ERG: variants seen among roughly 807,000 people sequenced by gnomAD.
ERG encodes the protein transcriptional regulator ERG.
ERG carries 9 observed loss-of-function variants against 55.3 expected under a neutral mutation model. The ratio of observed to expected loss-of-function variants is 0.16; its 90% CI spans 0.10 to 0.28. ERG has a LOEUF of 0.28. Ranked by LOEUF, ERG falls within the 10% of genes least tolerant of loss-of-function variation. The pLI, the probability that ERG is intolerant of heterozygous loss-of-function variation, is 1.00. For synonymous variants in ERG, 223 were observed against 237.3 expected (o/e 0.94, Z 0.55); for missense variants, 434 against 631.6 (o/e 0.69, Z 3.35).
intron 1 of ERG, among the ~76,000 whole-genome samples, chr21:38,591,786 C>T (rs1254546512): frequency 1.3e-5 from 2 of 152,238 alleles, no homozygotes; most frequent in African/African-American, 4.8e-5. Flanking sequence ...TTGCTGGGCA[C>T]TTACTGTACT....
chr21:38,555,714 T>G (rs1446646197), intron 2 of ERG, among the ~76,000 whole-genome samples: 2 of 152,166 alleles, frequency 1.3e-5, no homozygotes, highest in African/African-American at 2.4e-5. Flanking sequence ...ATCAGTACAC[T>G]TCTAATAAAG....
chr21:38,602,182 C>T (rs571666819), intron 1 of ERG, among the ~76,000 whole-genome samples: 5 of 152,288 alleles, frequency 3.3e-5, no homozygotes, highest in Non-Finnish European at 4.4e-5. Flanking sequence ...TGGTGGCTCA[C>T]GCCTGTAATC....
At chr21:38,496,748 A>C (rs1466440462) in intron 1 of ERG, among the ~76,000 whole-genome samples, 2 of 152,234 alleles carry the variant, frequency 1.3e-5, no homozygotes, top group Admixed American at 6.5e-5. Flanking sequence ...ATAAATGTAT[A>C]CTTCAAATTA....
intron 2 of ERG, among the ~76,000 whole-genome samples, chr21:38,557,780 G>T (rs770754449): frequency 6.6e-6 from 1 of 151,940 alleles, no homozygotes; most frequent in Non-Finnish European, 1.5e-5. Context: ...GAATGTTCTG[G>T]GTATGACTTT....
intron 1 of ERG, among the ~76,000 whole-genome samples, chr21:38,466,804 G>T (rs2059095143): frequency 6.6e-6 from 1 of 152,172 alleles, no homozygotes; most frequent in Non-Finnish European, 1.5e-5. Flanking sequence ...GCCCCAAACT[G>T]TGAAGTCATG....
At chr21:38,597,500 C>CACACAG (rs1555871973) in intron 1 of ERG, among the ~76,000 whole-genome samples, 8 of 151,090 alleles carry the variant, frequency 5.3e-5, no homozygotes, top group Non-Finnish European at 1.0e-4. Context: ...CACACACACA[C>CACACAG]GCACACAGAG....
chr21:38,653,052 C>G (rs2836599), intron 1 of ERG, among the ~76,000 whole-genome samples: 2,064 of 152,280 alleles, frequency 0.014, 51 homozygotes, highest in African/African-American at 0.048. Flanking sequence ...GCACATTCGC[C>G]CACTTTCTAG....
At chr21:38,374,553 A>C in the ERG span, among the ~76,000 whole-genome samples, 1 of 152,208 alleles carries the variant, frequency 6.6e-6, no homozygotes, top group Admixed American at 6.5e-5. Context: ...CTAAAGGTAA[A>C]GGGACCAGGC....
chr21:38,429,744 T>TACACACAC (rs368936578), intron 2 of ERG, among the ~76,000 whole-genome samples: 14 of 107,526 alleles, frequency 1.3e-4, no homozygotes, highest in African/African-American at 4.1e-4. Flanking sequence ...TGTATATATA[T>TACACACAC]ATACACACAC....
chr21:38,431,386 G>GTTGTAT (rs1990202466), intron 2 of ERG, among the ~76,000 whole-genome samples: 5 of 152,260 alleles, frequency 3.3e-5, no homozygotes, highest in African/African-American at 1.2e-4. Context: ...TGCAACTCCA[G>GTTGTAT]AGTTCTATTT....
chr21:38,522,501 G>T (rs2059602211), intron 2 of ERG, among the ~76,000 whole-genome samples: 1 of 152,116 alleles, frequency 6.6e-6, no homozygotes, highest in Non-Finnish European at 1.5e-5. Context: ...ATTGTGTAAA[G>T]TTATAATCAA....
intron 2 of ERG, among the ~76,000 whole-genome samples, chr21:38,430,093 T>C (rs1477052802): frequency 1.3e-5 from 2 of 152,000 alleles, no homozygotes; most frequent in Admixed American, 1.3e-4. Flanking sequence ...TTTTTTTTTA[T>C]TTTTAATGAT....
At chr21:38,614,063 C>A (rs1054484634) in intron 1 of ERG, among the ~76,000 whole-genome samples, 1 of 149,488 alleles carries the variant, frequency 6.7e-6, no homozygotes, top group Admixed American at 6.6e-5. Context: ...AGCCAAGGTT[C>A]AGCAAACGGG....
intron 3 of ERG, among the ~76,000 whole-genome samples, chr21:38,415,864 G>C (rs112908429): frequency 6.6e-6 from 1 of 152,016 alleles, no homozygotes; most frequent in Non-Finnish European, 1.5e-5. Flanking sequence ...CCTCCACACA[G>C]AATCCAAGTG....
chr21:38,525,578 G>A (rs1332550066), intron 2 of ERG, among the ~76,000 whole-genome samples: 1 of 152,174 alleles, frequency 6.6e-6, no homozygotes, highest in Admixed American at 6.5e-5. Flanking sequence ...TTGCTTGTGA[G>A]TCATTTCTCT....
At chr21:38,384,074 G>A (rs1987577026) in intron 9 of ERG, 151 bp from the exon 10 acceptor site, 4 of 1,106,826 alleles carry the variant, frequency 3.6e-6, no homozygotes, top group African/African-American at 1.6e-5. Flanking sequence ...GCAGGGGTGC[G>A]GACTGCTCTC....
At chr21:38,403,804 C>T (rs1479700244) in intron 3 of ERG, 95 bp from the exon 4 acceptor site, 24 of 1,220,130 alleles carry the variant, frequency 2.0e-5, no homozygotes, top group Non-Finnish European at 2.8e-5. Context: ...TGACCAGCTG[C>T]CTTCCACAAG....
chr21:38,473,616 C>T (rs2059160104), intron 1 of ERG, among the ~76,000 whole-genome samples: 1 of 151,954 alleles, frequency 6.6e-6, no homozygotes, highest in Non-Finnish European at 1.5e-5. Context: ...GAGAAGATAT[C>T]CTTTGTAATC....
intron 1 of ERG, among the ~76,000 whole-genome samples, chr21:38,627,467 C>G (rs2060331669): frequency 2.6e-5 from 4 of 151,084 alleles, no homozygotes; most frequent in Admixed American, 2.6e-4. Flanking sequence ...AATAAATCAA[C>G]AACCTGCTTC....
Sources: gnomAD v4.1 joint callset for allele counts (sites outside exome capture counted in the v4.1 genomes callset) on GRCh38, gnomAD v4.1.1 for gene constraint, MANE v1.5 for transcripts, NCBI Gene and HGNC (gene_info 2026-07-23, HGNC 2026-07-21) for gene names.